MCPH1: variants seen among roughly 807,000 people sequenced by gnomAD.
The protein encoded by MCPH1 is microcephalin.
MCPH1 carries 104 observed loss-of-function variants against 84.5 expected under a neutral mutation model. The ratio of observed to expected loss-of-function variants is 1.23; its 90% CI spans 1.05 to 1.45. The LOEUF (loss-of-function observed/expected upper bound fraction) is 1.45, where lower values mean the gene tolerates loss of function less well. Among genes scored for constraint, MCPH1 ranks in the 40% most tolerant of loss-of-function variants. The pLI is 0.00. For missense variants in MCPH1, 1,498 were observed against 1,005.7 expected (o/e 1.49, Z -6.62); for synonymous variants, 514 against 366.8 (o/e 1.40, Z -4.58).
chr8:6,580,791 T>C (rs1827508706), intron 12 of MCPH1, among the ~76,000 whole-genome samples: 1 of 152,198 alleles, frequency 6.6e-6, no homozygotes, highest in Non-Finnish European at 1.5e-5. Flanking sequence ...AGTTAGTGCA[T>C]CCCTTAAATA....
intron 12 of MCPH1, among the ~76,000 whole-genome samples, chr8:6,551,927 G>C (rs546051928): frequency 6.6e-6 from 1 of 152,270 alleles, no homozygotes; most frequent in East Asian, 1.9e-4. Context: ...AATTTTTTGA[G>C]ATTCCAAAGA....
chr8:6,528,542 C>A (rs1361710853), intron 12 of MCPH1, among the ~76,000 whole-genome samples: 1 of 152,180 alleles, frequency 6.6e-6, no homozygotes, highest in African/African-American at 2.4e-5. Flanking sequence ...TTGTTTGAAC[C>A]AATCGAAGCC....
chr8:6,471,067 T>C (rs531094741), intron 9 of MCPH1, among the ~76,000 whole-genome samples: 2 of 152,130 alleles, frequency 1.3e-5, no homozygotes, highest in South Asian at 4.1e-4. Context: ...GCCTATAAAT[T>C]TGGGGGAATG....
At chr8:6,618,517 T>A (rs1318348593) in intron 12 of MCPH1, 1 of 152,202 alleles carries the variant, frequency 6.6e-6, no homozygotes, top group African/African-American at 2.4e-5. Context: ...AGTTTTTGGT[T>A]AAGAACAAGC....
intron 9 of MCPH1, among the ~76,000 whole-genome samples, chr8:6,461,300 T>C (rs1297921023): frequency 1.3e-5 from 2 of 149,602 alleles, no homozygotes; most frequent in Non-Finnish European, 3.0e-5. Context: ...TTATTTTAAA[T>C]ATACTTGTTT....
chr8:6,522,763 G>C (rs928547006), intron 12 of MCPH1, among the ~76,000 whole-genome samples: 1 of 147,896 alleles, frequency 6.8e-6, no homozygotes, highest in Non-Finnish European at 1.5e-5. Flanking sequence ...AACAGAGCGA[G>C]ACATCGTCTC....
chr8:6,563,249 C>T (rs1563133588), intron 12 of MCPH1: 2 of 204,516 alleles, frequency 9.8e-6, no homozygotes, highest in Non-Finnish European at 2.0e-5. Context: ...TGTCAGTATC[C>T]GAATCAATCA....
chr8:6,483,733 G>A lies in MCPH1; in HGVS notation c.2136+2857G>A, dbSNP rs140916322. On this transcript the variant is annotated intron_variant, in intron 11 of 13. Transcript: ENST00000344683. ...AAACTAGCTCGGCATGGTGGCACCT[G>A]CCTGTAATCCCAGCTACTCAGGAGG... Among the ~76,000 whole-genome samples, 5 of 152,242 alleles carry A rather than the reference G, an allele frequency of 3.3e-5. No individual in the cohort carries two copies. In the East Asian group the frequency reaches 9.7e-4, roughly 29 times the overall value.
At chr8:6,503,828 G>A (rs1472767522) in intron 12 of MCPH1, among the ~76,000 whole-genome samples, 1 of 152,214 alleles carries the variant, frequency 6.6e-6, no homozygotes, top group Non-Finnish European at 1.5e-5. Context: ...CAGGAGAGGT[G>A]TCCAGCACAG....
chr8:6,521,281 T>C (rs1253401820), intron 12 of MCPH1: 1 of 1,613,954 alleles, frequency 6.2e-7, no homozygotes, highest in Non-Finnish European at 8.5e-7. Context: ...TCACTATTTT[T>C]TTTTCTAGTT....
Position 6,626,474 on chromosome 8 carries a change from G to GTTTT in MCPH1, c.2452+4797_2452+4800dup, listed in dbSNP as rs71213328. 3.4e-3 allele frequency: 3,149 copies of GTTTT among 917,970 alleles called. 1 individual carries two copies. Among genetic ancestry groups the GTTTT allele is most frequent in the East Asian group, 8.8e-3 (65 of 7,402 alleles). 56.9% of individuals were successfully genotyped at this position (917,970 alleles called of 1,614,324 possible). A position where few individuals can be genotyped will look rare whatever the true frequency, so the allele number is the denominator to read the frequency against. On this transcript the variant is annotated intron_variant, in intron 13 of 13. Coordinates refer to ENST00000344683, the MANE Select transcript of MCPH1 (RefSeq NM_024596.5). ...GGTTGTTGTTTGGTTTTTTTGTTTT[G>GTTTT]TTTTTTTTTTTTTTTTTGCGTTTTG...
intron 12 of MCPH1, among the ~76,000 whole-genome samples, chr8:6,512,597 C>T (rs993455883): frequency 9.2e-5 from 14 of 152,184 alleles, no homozygotes; most frequent in Non-Finnish European, 1.6e-4. Context: ...CTTCTCTGCC[C>T]CTCCCGTTGC....
intron 3 of MCPH1, among the ~76,000 whole-genome samples, chr8:6,420,536 G>A (rs941739124): frequency 6.6e-6 from 1 of 151,832 alleles, no homozygotes; most frequent in Non-Finnish European, 1.5e-5. Context: ...TTTTTTTCGG[G>A]GAGGGAATGG....
intron 8 of MCPH1, 148 bp downstream of exon 8, chr8:6,445,695 G>T: frequency 2.1e-6 from 3 of 1,431,576 alleles, no homozygotes; most frequent in Non-Finnish European, 2.7e-6. Flanking sequence ...TCATTCCAAT[G>T]ATAAACTCTT....
At chr8:6,526,688 A>G (rs1341382503) in intron 12 of MCPH1, among the ~76,000 whole-genome samples, 2 of 152,212 alleles carry the variant, frequency 1.3e-5, no homozygotes, top group Admixed American at 1.3e-4. Flanking sequence ...CAAGAAGTTT[A>G]TCATTTTTGG....
At chr8:6,465,722 TC>T (rs1400276985) in intron 9 of MCPH1, among the ~76,000 whole-genome samples, 1 of 152,104 alleles carries the variant, frequency 6.6e-6, no homozygotes, top group Non-Finnish European at 1.5e-5. Context: ...TCCACTGACA[TC>T]AGAGACTCAT....
intron 12 of MCPH1, among the ~76,000 whole-genome samples, chr8:6,583,608 C>A (rs1827737062): frequency 1.3e-5 from 2 of 152,150 alleles, no homozygotes; most frequent in Non-Finnish European, 1.5e-5. Flanking sequence ...TGGAAAAGGA[C>A]CCCTGAGTGC....
At position 6,645,785 on chromosome 8, in the gene MCPH1, C is replaced by G. The variant is rs540676886; in HGVS notation, c.*2736C>G. The G allele has an allele frequency of 1.3e-5, 2 of 152,110 alleles. No individual in the cohort carries two copies. The highest frequency in any genetic ancestry group is 4.8e-5 in the African/African-American group (2 of 41,528). 9.4% of individuals were successfully genotyped at this position (152,110 alleles called of 1,614,324 possible). ...ACCACGATTCCATTTAAAATTGCAT[C>G]TAAAAATAAACAAAATAGGAATAGA... On this transcript the variant is annotated 3_prime_UTR_variant, in exon 14 of 14. Coordinates refer to ENST00000344683, the MANE Select transcript of MCPH1 (RefSeq NM_024596.5).
At chr8:6,480,366 G>A (rs758628423) in intron 10 of MCPH1, among the ~76,000 whole-genome samples, 14 of 151,848 alleles carry the variant, frequency 9.2e-5, no homozygotes, top group South Asian at 4.2e-4. Flanking sequence ...TGATCCACCC[G>A]CCTCGGCCTC....
Sources: gnomAD v4.1 joint callset for allele counts (sites outside exome capture counted in the v4.1 genomes callset) on GRCh38, gnomAD v4.1.1 for gene constraint, MANE v1.5 for transcripts, NCBI Gene and HGNC (gene_info 2026-07-23, HGNC 2026-07-21) for gene names.